Variants in VPS35L observed in about 807,000 individuals in gnomAD.
VPS35L encodes VPS35 endosomal protein sorting factor like.
In VPS35L, 83 loss-of-function variants were observed where a neutral mutation model predicts 133.0. The observed-to-expected ratio is 0.62, with a 90% CI of 0.52 to 0.75. The LOEUF (loss-of-function observed/expected upper bound fraction) is 0.75. Among genes scored for constraint, VPS35L ranks in the 30% least tolerant of loss-of-function variants. The pLI is 0.00. For synonymous variants in VPS35L, 423 were observed against 449.9 expected (o/e 0.94, Z 0.76); for missense variants, 1,083 against 1,206.8 (o/e 0.90, Z 1.52).
chr16:19,591,701 T>A (rs558716199), intron 7 of VPS35L, 89 bp from the exon 8 acceptor site: 24 of 973,768 alleles, frequency 2.5e-5, no homozygotes, highest in Non-Finnish European at 3.3e-5. Context: ...TCAACTTGTA[T>A]ATAGAAACCA....
chr16:19,601,086 G>T (rs781651785), intron 8 of VPS35L, among the ~76,000 whole-genome samples: 10 of 152,064 alleles, frequency 6.6e-5, no homozygotes, highest in Non-Finnish European at 1.0e-4. Context: ...GCACTGCCAT[G>T]CCTGGCTAAT....
At chr16:19,666,219 G>A (rs974825517) in intron 26 of VPS35L, among the ~76,000 whole-genome samples, 6 of 151,984 alleles carry the variant, frequency 3.9e-5, no homozygotes, top group Non-Finnish European at 7.4e-5. Context: ...TTGGTTGCCT[G>A]TGCTTGTGGG....
At chr16:19,676,978 G>C (rs1473385978) in intron 27 of VPS35L, among the ~76,000 whole-genome samples, 5 of 152,116 alleles carry the variant, frequency 3.3e-5, no homozygotes, top group Non-Finnish European at 7.4e-5. Context: ...TCAGGAGGCT[G>C]AGGCGGAAGG....
chr16:19,572,612 A>G (rs1321737425), intron 3 of VPS35L, among the ~76,000 whole-genome samples: 1 of 152,170 alleles, frequency 6.6e-6, no homozygotes, highest in South Asian at 2.1e-4. Context: ...GTCTTTTCCA[A>G]CTATCCTTTC....
chr16:19,622,060 C>A (rs960929645), intron 14 of VPS35L, among the ~76,000 whole-genome samples: 3 of 151,744 alleles, frequency 2.0e-5, no homozygotes, highest in Non-Finnish European at 4.4e-5. Context: ...TCCCATCTTA[C>A]CCTCAGTGTC....
chr16:19,645,853 A>G (rs1257562271), intron 23 of VPS35L, among the ~76,000 whole-genome samples: 2 of 152,238 alleles, frequency 1.3e-5, no homozygotes, highest in Non-Finnish European at 2.9e-5. Context: ...GATGGAAACT[A>G]TGCCGGGCAG....
chr16:19,604,422 G>A (rs1283589225), intron 9 of VPS35L, among the ~76,000 whole-genome samples: 1 of 152,074 alleles, frequency 6.6e-6, no homozygotes, highest in Non-Finnish European at 1.5e-5. Context: ...ATTAATTATA[G>A]CACTTTTATC....
intron 26 of VPS35L, among the ~76,000 whole-genome samples, chr16:19,659,948 G>A (rs923831865): frequency 2.6e-5 from 4 of 152,168 alleles, no homozygotes; most frequent in Non-Finnish European, 4.4e-5. Context: ...AGAGAGTGAT[G>A]ATTTTTATAG....
chr16:19,648,864 G>A (rs1220299824), intron 24 of VPS35L, among the ~76,000 whole-genome samples: 3 of 104,092 alleles, frequency 2.9e-5, no homozygotes, highest in African/African-American at 4.1e-5. Context: ...AACAAAGGGA[G>A]ACTCCATCTC....
At chr16:19,648,155 T>TG (rs1974011310) in intron 24 of VPS35L, among the ~76,000 whole-genome samples, 1 of 152,054 alleles carries the variant, frequency 6.6e-6, no homozygotes, top group South Asian at 2.1e-4. Flanking sequence ...TTTTGAGAGA[T>TG]GGGGTCTCTG....
chr16:19,616,872 T>G, intron 14 of VPS35L, 64 bp downstream of exon 14: 1 of 1,608,746 alleles, frequency 6.2e-7, no homozygotes. Context: ...CTGCCCACTG[T>G]GCCCTTTAAC....
At chr16:19,689,508 G>A (rs1975592641) in intron 28 of VPS35L, among the ~76,000 whole-genome samples, 2 of 151,874 alleles carry the variant, frequency 1.3e-5, no homozygotes, top group African/African-American at 2.4e-5. Context: ...CTGACCTCAA[G>A]TGATCCACCC....
rs753272658 is a variant in VPS35L, at chr16:19,633,182, T to C, written c.1635+10T>C. On this transcript the variant is annotated intron_variant, in intron 19 of 30. Transcript: ENST00000417362. The surrounding 1 kb of genome is among the most constrained non-coding windows in gnomAD (Gnocchi z 4.1). ...AGATTCCTACCCCCAGGTAACAGAT[T>C]TGCATTTCTCATTTCAACATTGTTA... The C allele has an allele frequency of 6.2e-7, 1 of 1,612,784 alleles. No individual in the cohort carries two copies. Among genetic ancestry groups the C allele is most frequent in the Admixed American group, 1.7e-5 (1 of 60,026 alleles).
intron 27 of VPS35L, among the ~76,000 whole-genome samples, chr16:19,679,529 A>G (rs2151615466): frequency 6.8e-6 from 1 of 147,652 alleles, no homozygotes; most frequent in South Asian, 2.1e-4. Flanking sequence ...TTTTGGAGAC[A>G]GAGTCTCGCA....
intron 8 of VPS35L, among the ~76,000 whole-genome samples, chr16:19,600,907 A>T (rs1972362655): frequency 1.3e-5 from 2 of 152,092 alleles, no homozygotes; most frequent in Admixed American, 1.3e-4. Context: ...ATGGCATGTG[A>T]GTTCTCCCAA....
In VPS35L at chr16:19,639,847, A is replaced by C. The variant is rs1363474614; in HGVS notation, c.1699-168A>C. On this transcript the variant is annotated intron_variant, in intron 20 of 30. Coordinates refer to ENST00000417362, the MANE Select transcript of VPS35L (RefSeq NM_020314.7). This position sits in a 1 kb window ranked among gnomAD's most constrained non-coding sequence, Gnocchi z 4.1. ...CCCGGCCCAGTAACAGCTTTTTACA[A>C]GCCCAGTCAGGTCCTCTCCCTGATT... Among the ~76,000 whole-genome samples the C allele has an allele frequency of 6.6e-6, 1 of 152,132 alleles. No homozygotes were observed. Among genetic ancestry groups the C allele is most frequent in the African/African-American group, 2.4e-5 (1 of 41,444 alleles).
chr16:19,656,126 T>C (rs1053000814), intron 26 of VPS35L, among the ~76,000 whole-genome samples: 2 of 151,744 alleles, frequency 1.3e-5, no homozygotes, highest in Middle Eastern at 3.4e-3. Flanking sequence ...TAGGCAGTTG[T>C]GGTGGTGTAC....
At chr16:19,599,221 A>C (rs1368766657) in intron 8 of VPS35L, among the ~76,000 whole-genome samples, 1 of 152,226 alleles carries the variant, frequency 6.6e-6, no homozygotes, top group Non-Finnish European at 1.5e-5. Flanking sequence ...TCACCTGGGC[A>C]GCTTTACAAA....
chr16:19,658,394 G>A (rs1021071965), intron 26 of VPS35L, among the ~76,000 whole-genome samples: 1 of 152,184 alleles, frequency 6.6e-6, no homozygotes, highest in Non-Finnish European at 1.5e-5. Flanking sequence ...GCCGGCAGTA[G>A]TGGTGTGTGC....
Sources: gnomAD v4.1 joint callset for allele counts (sites outside exome capture counted in the v4.1 genomes callset) on GRCh38, gnomAD v4.1.1 for gene constraint, Gnocchi (gnomAD v3.1) non-coding constraint, MANE v1.5 for transcripts, NCBI Gene and HGNC (gene_info 2026-07-23, HGNC 2026-07-21) for gene names.